The following LEPROTL1 variants were observed in gnomAD, a reference collection of about 807,000 sequenced individuals.
LEPROTL1 encodes leptin receptor overlapping transcript like 1.
A neutral mutation model predicts 15.4 loss-of-function variants in LEPROTL1; 6 were observed. The ratio of observed to expected loss-of-function variants is 0.39; its 90% CI spans 0.21 to 0.77. LEPROTL1 has a LOEUF of 0.77. Among genes scored for constraint, LEPROTL1 ranks in the 30% least tolerant of loss-of-function variants. The pLI is 0.41. For synonymous variants in LEPROTL1, 56 were observed against 52.6 expected, an observed-to-expected ratio of 1.06 and a Z score of -0.28; for missense variants, 128 against 158.1, an observed-to-expected ratio of 0.81 and a Z score of 1.02.
chr8:30,131,986 A>C (rs1426221102), intron 3 of LEPROTL1: 2 of 1,552,144 alleles, frequency 1.3e-6, no homozygotes, highest in Non-Finnish European at 1.7e-6. Flanking sequence ...CAAAAGCAGA[A>C]TACAGTACAC....
chr8:30,132,195 G>A (rs759666616), intron 3 of LEPROTL1: 7 of 1,551,666 alleles, frequency 4.5e-6, no homozygotes, highest in Middle Eastern at 1.7e-4. Context: ...CCACCATCAC[G>A]GCCCAGCAAA....
chr8:30,122,033 G>A (rs919333174), intron 3 of LEPROTL1, among the ~76,000 whole-genome samples: 1 of 151,888 alleles, frequency 6.6e-6, no homozygotes, highest in Non-Finnish European at 1.5e-5. Context: ...TGTACGTGGT[G>A]GCACGCGCCT....
In LEPROTL1 at chr8:30,106,369, C is replaced by T. The variant is rs1802568529; in HGVS notation, c.*507C>T. 1.0e-6 allele frequency: 1 copy of T among 986,148 alleles called. No homozygotes were observed. Among genetic ancestry groups the T allele is most frequent in the Non-Finnish European group, 1.2e-6 (1 of 830,230 alleles). 61.1% of individuals were successfully genotyped at this position (986,148 alleles called of 1,614,324 possible). A position where few individuals can be genotyped will look rare whatever the true frequency, so the allele number is the denominator to read the frequency against. On this transcript the variant is annotated 3_prime_UTR_variant, in exon 4 of 4. Transcript: ENST00000321250. ...GTTATGCAGACATACAGACGGTTGG[C>T]ATACGTTATAGACTGTATACTCAGT...
chr8:30,126,199 T>G (rs1165822214), intron 3 of LEPROTL1, among the ~76,000 whole-genome samples: 1 of 152,198 alleles, frequency 6.6e-6, no homozygotes, highest in Non-Finnish European at 1.5e-5. Flanking sequence ...GGATCAGCAC[T>G]GGGAGTCAGA....
Position 30,108,374 on chromosome 8 carries a change from C to T in LEPROTL1, c.*2512C>T, listed in dbSNP as rs1286291010. The stretch of plus-strand genomic sequence containing the variant: ...CTACTGATCTAAAGGCAAGGTCCTA[C>T]TTCTTAAATTTTCAGAACATTTTTA... On this transcript the variant is annotated 3_prime_UTR_variant, in exon 4 of 4. Coordinates refer to ENST00000321250, the MANE Select transcript of LEPROTL1 (RefSeq NM_015344.3). The T allele has an allele frequency of 6.6e-6, 1 of 152,182 alleles. No individual in the cohort carries two copies. The highest frequency in any genetic ancestry group is 2.4e-5 in the African/African-American group (1 of 41,444). 9.4% of individuals were successfully genotyped at this position (152,182 alleles called of 1,614,324 possible). A position where few individuals can be genotyped will look rare whatever the true frequency, so the allele number is the denominator to read the frequency against.
At chr8:30,098,919 A>G (rs886776283) in intron 1 of LEPROTL1, among the ~76,000 whole-genome samples, 1 of 152,190 alleles carries the variant, frequency 6.6e-6, no homozygotes, top group Non-Finnish European at 1.5e-5. Context: ...GCATTCAGTG[A>G]ACAGAGGACC....
At chr8:30,095,683 C>A in intron 1 of LEPROTL1, 155 bp downstream of exon 1, 2 of 759,070 alleles carry the variant, frequency 2.6e-6, no homozygotes, top group South Asian at 1.7e-5. Flanking sequence ...CTGCGCTTGG[C>A]CCGGAGGTGG....
In LEPROTL1 at chr8:30,107,933, T is replaced by C. The variant is rs985662456; in HGVS notation, c.*2071T>C. On this transcript the variant is annotated 3_prime_UTR_variant, in exon 4 of 4. Coordinates refer to ENST00000321250, the MANE Select transcript of LEPROTL1 (RefSeq NM_015344.3). ...TTTGACCTTGTATACTAGCTTGACA[T>C]AGTGCTGTCTCTGATTTCTAGGCTA... 1.0e-6 allele frequency: 1 copy of C among 985,178 alleles called. No individual in the cohort carries two copies. Among genetic ancestry groups the C allele is most frequent in the African/African-American group, 1.7e-5 (1 of 57,246 alleles). The allele number at this position is 985,178 out of a possible 1,614,324, so 61.0% of individuals were successfully genotyped here.
downstream of LEPROTL1, chr8:30,108,571 T>C (rs1371470716): frequency 6.6e-6 from 1 of 152,202 alleles, no homozygotes; most frequent in East Asian, 1.9e-4. Flanking sequence ...TCTTATCATA[T>C]ACTTTAAAAA....
In LEPROTL1 at chr8:30,106,794, A is replaced by C; in HGVS notation, c.*932A>C. On this transcript the variant is annotated 3_prime_UTR_variant, in exon 4 of 4. Coordinates refer to ENST00000321250, the MANE Select transcript of LEPROTL1 (RefSeq NM_015344.3). ...TGATGAGGGACAGTTGTATGTTTGC[A>C]TCATATATGCCAGAAAACCTTCCTC... 1 of 984,732 alleles carries C rather than the reference A, an allele frequency of 1.0e-6. No individual in the cohort carries two copies. Among genetic ancestry groups the C allele is most frequent in the Non-Finnish European group, 1.2e-6 (1 of 828,872 alleles). 61.0% of individuals were successfully genotyped at this position (984,732 alleles called of 1,614,324 possible).
At chr8:30,097,401 G>A (rs773289900) in intron 1 of LEPROTL1, among the ~76,000 whole-genome samples, 5 of 151,742 alleles carry the variant, frequency 3.3e-5, no homozygotes, top group Admixed American at 6.6e-5. Flanking sequence ...ATCCTGGCGC[G>A]GTGGCTCACA....
chr8:30,116,909 T>C (rs539348826), intron 3 of LEPROTL1, among the ~76,000 whole-genome samples: 75 of 152,078 alleles, frequency 4.9e-4, no homozygotes, highest in Non-Finnish European at 4.4e-4. Flanking sequence ...CCCTGTGGGA[T>C]CTGATACTAA....
At chr8:30,097,898 T>G (rs910059824) in intron 1 of LEPROTL1, among the ~76,000 whole-genome samples, 10 of 151,668 alleles carry the variant, frequency 6.6e-5, no homozygotes, top group Non-Finnish European at 1.3e-4. Context: ...CCCTTGGTTT[T>G]TTTTTTTTTT....
intron 3 of LEPROTL1, among the ~76,000 whole-genome samples, chr8:30,116,266 C>G (rs952266234): frequency 2.6e-5 from 4 of 152,000 alleles, no homozygotes; most frequent in African/African-American, 9.7e-5. Flanking sequence ...TTGCTACCCT[C>G]ATTTCCTGGC....
At chr8:30,132,202 C>A (rs1280455088) in intron 3 of LEPROTL1, 4 of 1,551,880 alleles carry the variant, frequency 2.6e-6, no homozygotes, top group Non-Finnish European at 3.5e-6. Context: ...CACGGCCCAG[C>A]AAACGAAACC....
In LEPROTL1 at chr8:30,095,429, C is replaced by A. The variant is rs967632318; in HGVS notation, c.-84C>A. On this transcript the variant is annotated 5_prime_UTR_variant, in exon 1 of 4. Transcript: ENST00000321250. ...TCGCGCACTTCCGGGTGTTGTCTGGCCGCCGTAGCGCGTCTTGGGTCTCCC... is the reference window on the plus strand; with the variant it reads ...TCGCGCACTTCCGGGTGTTGTCTGGACGCCGTAGCGCGTCTTGGGTCTCCC... 9.4e-6 allele frequency: 13 copies of A among 1,382,120 alleles called. No individual in the cohort carries two copies. The African/African-American group carries it at 1.4e-4, about 14-fold the overall frequency. The allele number at this position is 1,382,120 out of a possible 1,614,324, so 85.6% of individuals were successfully genotyped here. A position where few individuals can be genotyped will look rare whatever the true frequency, so the allele number is the denominator to read the frequency against.
At chr8:30,113,181 C>G (rs548180109), downstream of LEPROTL1, among the ~76,000 whole-genome samples, 12 of 151,766 alleles carry the variant, frequency 7.9e-5, no homozygotes, top group East Asian at 2.3e-3. Context: ...GAAGCTGCGG[C>G]AGGAGAATCG....
intron 3 of LEPROTL1, among the ~76,000 whole-genome samples, chr8:30,126,509 C>T (rs1802909674): frequency 6.6e-6 from 1 of 152,184 alleles, no homozygotes; most frequent in Non-Finnish European, 1.5e-5. Context: ...AATCAACAGA[C>T]TGAATGTGTA....
downstream of LEPROTL1, among the ~76,000 whole-genome samples, chr8:30,109,813 A>T (rs910715877): frequency 5.9e-5 from 9 of 152,178 alleles, no homozygotes; most frequent in African/African-American, 1.7e-4. Flanking sequence ...CTCTTACACA[A>T]ATGAAATGCT....
Sources: gnomAD v4.1 joint callset for allele counts (sites outside exome capture counted in the v4.1 genomes callset) on GRCh38, gnomAD v4.1.1 for gene constraint, MANE v1.5 for transcripts, NCBI Gene and HGNC (gene_info 2026-07-23, HGNC 2026-07-21) for gene names.